Variants in SASH1 observed in about 807,000 individuals in gnomAD.
SASH1 encodes the protein SAM and SH3 domain containing 1, also known as SAM and SH3 domain-containing protein 1.
SASH1 carries 44 observed loss-of-function variants against 125.2 expected under a neutral mutation model. That is an observed-to-expected ratio of 0.35 (90% CI 0.28 to 0.45). SASH1 has a LOEUF of 0.45. Ranked by LOEUF, SASH1 falls within the 20% of genes least tolerant of loss-of-function variation. SASH1 has a pLI of 1.00. For missense variants in SASH1, 1,426 were observed against 1,614.5 expected (o/e 0.88, Z 2.00); for synonymous variants, 639 against 649.1 (o/e 0.98, Z 0.24).
chr6:148,441,799 A>T (rs1366689256), intron 4 of SASH1, among the ~76,000 whole-genome samples: 1 of 152,082 alleles, frequency 6.6e-6, no homozygotes, highest in Admixed American at 6.5e-5. Context: ...CTTCCCCTCA[A>T]TTGTGGAGAG....
At chr6:148,237,449 G>A in the SASH1 span, 1 of 152,030 alleles carries the variant, frequency 6.6e-6, no homozygotes, top group African/African-American at 2.4e-5. Flanking sequence ...TATCGCATAA[G>A]GTACCTGCTT....
rs140071645 is a variant in SASH1, at chr6:148,488,176, C to G, written c.729+461C>G. Among the ~76,000 whole-genome samples, 441 of 152,316 alleles carry G rather than the reference C, an allele frequency of 2.9e-3. 2 individuals are homozygous for G. Among genetic ancestry groups the G allele is most frequent in the African/African-American group, 9.9e-3 (413 of 41,560 alleles). ...ACACACACCCTGCCCCTGGCAGCCA[C>G]CGTTCTACTTTCTGCCCCTGTGAAT... On this transcript the variant is annotated intron_variant, in intron 8 of 19. Coordinates refer to ENST00000367467, the MANE Select transcript of SASH1 (RefSeq NM_015278.5).
At chr6:148,328,786 T>A (rs1400873440) in intron 1 of SASH1, among the ~76,000 whole-genome samples, 1 of 152,210 alleles carries the variant, frequency 6.6e-6, no homozygotes, top group Non-Finnish European at 1.5e-5. Context: ...GTCCCCTTGC[T>A]GTCATTTATC....
At chr6:148,238,547 T>C in the SASH1 span, among the ~76,000 whole-genome samples, 2 of 151,974 alleles carry the variant, frequency 1.3e-5, no homozygotes, top group African/African-American at 4.8e-5. Flanking sequence ...TAATATACCA[T>C]ATGAAGTTTT....
At chr6:148,378,797 G>A (rs76967988) in intron 1 of SASH1, among the ~76,000 whole-genome samples, 4,461 of 152,298 alleles carry the variant, frequency 0.029, 211 homozygotes, top group East Asian at 0.18. Context: ...ACAGAGGTGG[G>A]ACTGGGTCTG....
chr6:148,514,578 A>C, intron 9 of SASH1, 122 bp downstream of exon 9: 1 of 1,214,922 alleles, frequency 8.2e-7, no homozygotes, highest in East Asian at 2.7e-5. Flanking sequence ...AAATGCATTG[A>C]GCTCTGGCTG....
chr6:148,433,915 TTTA>T (rs1381425834), intron 2 of SASH1, among the ~76,000 whole-genome samples: 59 of 152,002 alleles, frequency 3.9e-4, no homozygotes, highest in African/African-American at 1.4e-3. Flanking sequence ...ATATATATCT[TTTA>T]TTATGTTTTA....
chr6:148,351,983 C>T (rs1781745729), intron 1 of SASH1, among the ~76,000 whole-genome samples: 1 of 151,896 alleles, frequency 6.6e-6, no homozygotes, highest in Admixed American at 6.6e-5. Flanking sequence ...TTGTAGCATT[C>T]CTTGTTTGGA....
At chr6:148,221,855 T>C in the SASH1 span, among the ~76,000 whole-genome samples, 35,868 of 152,158 alleles carry the variant, frequency 0.24, 4,466 homozygotes, top group African/African-American at 0.3. Context: ...TTTCTCCCAT[T>C]CTGCAAGATT....
At chr6:148,450,277 C>T (rs1469829265) in intron 4 of SASH1, among the ~76,000 whole-genome samples, 1 of 152,156 alleles carries the variant, frequency 6.6e-6, no homozygotes, top group East Asian at 1.9e-4. Flanking sequence ...AAATTAGGAC[C>T]TGTCTAGGTT....
At chr6:148,393,644 ACCT>A in intron 2 of SASH1, 10 of 915,442 alleles carry the variant, frequency 1.1e-5, no homozygotes, top group Non-Finnish European at 1.3e-5. Context: ...AGATAATAAA[ACCT>A]CCTTCTCATT....
intron 1 of SASH1, among the ~76,000 whole-genome samples, chr6:148,350,504 A>G (rs1781690860): frequency 2.0e-5 from 3 of 152,196 alleles, no homozygotes; most frequent in Non-Finnish European, 4.4e-5. Flanking sequence ...TTCAATGCAA[A>G]TTTATTCATT....
At chr6:148,258,196 C>A in the SASH1 span, among the ~76,000 whole-genome samples, 2 of 152,018 alleles carry the variant, frequency 1.3e-5, no homozygotes, top group Non-Finnish European at 2.9e-5. Context: ...TATAGGCATA[C>A]CACCATACTC....
At chr6:148,467,269 G>GT (rs373213949) in intron 4 of SASH1, among the ~76,000 whole-genome samples, 45 of 152,012 alleles carry the variant, frequency 3.0e-4, no homozygotes, top group African/African-American at 1.1e-3. Flanking sequence ...GCTAATTTTT[G>GT]TATTTTTAGT....
chr6:148,410,614 A>C (rs1784582863), intron 2 of SASH1, among the ~76,000 whole-genome samples: 1 of 152,202 alleles, frequency 6.6e-6, no homozygotes, highest in Non-Finnish European at 1.5e-5. Flanking sequence ...ATTTTCCTGT[A>C]AGCCAATGAA....
At chr6:148,270,382 A>T (rs998612363), upstream of SASH1, among the ~76,000 whole-genome samples, 6 of 151,836 alleles carry the variant, frequency 4.0e-5, no homozygotes, top group Non-Finnish European at 7.4e-5. Context: ...ATATTTTAAA[A>T]TTTTTTTTTG....
chr6:148,531,022 A>G (rs1231498026), intron 12 of SASH1, among the ~76,000 whole-genome samples: 2 of 152,234 alleles, frequency 1.3e-5, no homozygotes, highest in Non-Finnish European at 2.9e-5. Context: ...TTCCTTATCC[A>G]ATGCCAATAA....
the SASH1 span, among the ~76,000 whole-genome samples, chr6:148,207,661 A>G: frequency 6.6e-6 from 1 of 152,226 alleles, no homozygotes; most frequent in Admixed American, 6.5e-5. Context: ...GACAGAATGA[A>G]GAGATGGATT....
intron 19 of SASH1, among the ~76,000 whole-genome samples, chr6:148,546,810 T>C (rs1179757124): frequency 6.6e-6 from 1 of 152,154 alleles, no homozygotes; most frequent in African/African-American, 2.4e-5. Context: ...ACATGCGTAA[T>C]GTATGCGTAA....
Sources: gnomAD v4.1 joint callset for allele counts (sites outside exome capture counted in the v4.1 genomes callset) on GRCh38, gnomAD v4.1.1 for gene constraint, MANE v1.5 for transcripts, NCBI Gene and HGNC (gene_info 2026-07-23, HGNC 2026-07-21) for gene names.